TADA2A: variants seen among roughly 807,000 people sequenced by gnomAD.
The protein encoded by TADA2A is transcriptional adaptor 2A.
Under a neutral mutation model 67.4 loss-of-function variants are expected in TADA2A, and 38 were observed. The observed-to-expected ratio is 0.56, with a 90% CI of 0.44 to 0.74. The LOEUF is 0.74. Among genes scored for constraint, TADA2A ranks in the 30% least tolerant of loss-of-function variants. The pLI is 0.00. For synonymous variants in TADA2A, 192 were observed against 181.6 expected, an observed-to-expected ratio of 1.06 and a Z score of -0.46; for missense variants, 454 against 547.0, an observed-to-expected ratio of 0.83 and a Z score of 1.70.
chr17:37,461,885 C>T, intron 9 of TADA2A, 193 bp from the exon 10 acceptor site: 1 of 507,020 alleles, frequency 2.0e-6, no homozygotes, highest in Non-Finnish European at 3.6e-6. Flanking sequence ...AGAGGAAAAA[C>T]CCGTGATGCC....
Position 37,477,921 on chromosome 17 carries a change from AC to A in TADA2A, c.*941del, listed in dbSNP as rs2053922085. On this transcript the variant is annotated 3_prime_UTR_variant, in exon 16 of 16. Coordinates refer to ENST00000615182, the MANE Select transcript of TADA2A (RefSeq NM_001166105.3). ...CGGATCACGAAGTCAGGAGTTCAAG[AC>A]CAGCCTGACCAACATGGTGAAACAG... is the stretch of plus-strand genomic sequence containing the variant. 1 of 151,842 alleles carries A rather than the reference AC, an allele frequency of 6.6e-6. No homozygotes were observed. The highest frequency in any genetic ancestry group is 2.1e-4 in the South Asian group (1 of 4,806). 9.4% of individuals were successfully genotyped at this position (151,842 alleles called of 1,614,324 possible).
At chr17:37,407,008 C>T (rs927241220) in intron 1 of TADA2A, 59 bp downstream of exon 1, 4 of 147,260 alleles carry the variant, frequency 2.7e-5, no homozygotes, top group Admixed American at 6.8e-5. Context: ...GCGAGCCCCT[C>T]TAGCGGGACT....
intron 13 of TADA2A, 120 bp downstream of exon 13, chr17:37,470,652 A>C (rs2053767095): frequency 8.7e-7 from 1 of 1,155,794 alleles, no homozygotes; most frequent in Admixed American, 3.0e-5. Flanking sequence ...AGAATTCAGA[A>C]ATATTTTAGC....
chr17:37,409,674 G>A (rs1260506730), intron 1 of TADA2A, among the ~76,000 whole-genome samples: 1 of 151,636 alleles, frequency 6.6e-6, no homozygotes, highest in Non-Finnish European at 1.5e-5. Context: ...GGCTGAGGCA[G>A]GAGACTCGCT....
Position 37,444,688 on chromosome 17 carries a change from C to G in TADA2A, c.532-8C>G. ...TTGGGGTGGGGATTTTTTTGTTCCC[C>G]TAAACAGGAATTTGACAATTATGCA... On this transcript the variant is annotated splice_polypyrimidine_tract_variant and splice_region_variant and intron_variant, in intron 7 of 15. Coordinates refer to ENST00000615182, the MANE Select transcript of TADA2A (RefSeq NM_001166105.3). 6.2e-7 allele frequency: 1 copy of G among 1,613,416 alleles called. No homozygotes were observed. The highest frequency in any genetic ancestry group is 8.5e-7 in the Non-Finnish European group (1 of 1,179,714).
chr17:37,441,248 C>A (rs1173572408), intron 6 of TADA2A, among the ~76,000 whole-genome samples: 1 of 152,162 alleles, frequency 6.6e-6, no homozygotes, highest in Non-Finnish European at 1.5e-5. Flanking sequence ...TAACTTAGTG[C>A]TTTCCTTTGT....
At chr17:37,463,635 C>T (rs1217796376) in intron 10 of TADA2A, among the ~76,000 whole-genome samples, 1 of 151,688 alleles carries the variant, frequency 6.6e-6, no homozygotes, top group East Asian at 2.0e-4. Context: ...AAGTATGTTA[C>T]ATTTTAGGTC....
At chr17:37,428,168 A>G (rs1425319143) in intron 4 of TADA2A, among the ~76,000 whole-genome samples, 2 of 152,160 alleles carry the variant, frequency 1.3e-5, no homozygotes, top group Non-Finnish European at 2.9e-5. Context: ...TGCTGCAACA[A>G]ATTACCAAAA....
chr17:37,438,029 G>A (rs569232045), intron 5 of TADA2A, 200 bp downstream of exon 5: 8 of 541,940 alleles, frequency 1.5e-5, no homozygotes, highest in East Asian at 9.2e-5. Flanking sequence ...GATGTTTAGC[G>A]GTCCATGACT....
chr17:37,434,072 T>C (rs1218328538), intron 4 of TADA2A, among the ~76,000 whole-genome samples: 1 of 152,250 alleles, frequency 6.6e-6, no homozygotes, highest in African/African-American at 2.4e-5. Flanking sequence ...CAGGATCCAA[T>C]TGGGGATCCC....
intron 6 of TADA2A, 151 bp downstream of exon 6, chr17:37,440,813 G>C (rs907833561): frequency 2.9e-6 from 3 of 1,035,168 alleles, no homozygotes; most frequent in African/African-American, 1.6e-5. Context: ...AGTCAGGATC[G>C]ACCCAGCATG....
chr17:37,415,664 G>A (rs989495840), intron 2 of TADA2A, among the ~76,000 whole-genome samples: 2 of 149,120 alleles, frequency 1.3e-5, no homozygotes, highest in African/African-American at 2.6e-5. Context: ...TGGATCATGA[G>A]GTCAGGTGTT....
At chr17:37,410,340 C>CT (rs35659950) in intron 1 of TADA2A, among the ~76,000 whole-genome samples, 74 of 142,382 alleles carry the variant, frequency 5.2e-4, no homozygotes, top group Admixed American at 7.8e-4. Context: ...ACCCGGCTAA[C>CT]TTTTTTTTTT....
chr17:37,450,822 A>G (rs1326429285), intron 8 of TADA2A, among the ~76,000 whole-genome samples: 1 of 152,148 alleles, frequency 6.6e-6, no homozygotes, highest in East Asian at 1.9e-4. Context: ...GGTTATTCAT[A>G]CAGTTAAGAT....
chr17:37,451,176 C>T (rs1421172406), intron 8 of TADA2A, among the ~76,000 whole-genome samples: 3 of 152,102 alleles, frequency 2.0e-5, no homozygotes, highest in African/African-American at 4.8e-5. Flanking sequence ...AACAGGCACA[C>T]GCCACCACAC....
intron 8 of TADA2A, among the ~76,000 whole-genome samples, chr17:37,449,337 T>C (rs1408280801): frequency 2.0e-5 from 3 of 152,200 alleles, no homozygotes; most frequent in Admixed American, 2.0e-4. Context: ...CACTGTTTTA[T>C]ACATAGGATA....
At chr17:37,408,229 G>C (rs1217195894) in intron 1 of TADA2A, 1 of 152,602 alleles carries the variant, frequency 6.6e-6, no homozygotes, top group African/African-American at 2.4e-5. Flanking sequence ...CCTATTGACT[G>C]TGCATCCTTT....
intron 2 of TADA2A, among the ~76,000 whole-genome samples, chr17:37,417,513 A>G (rs931317311): frequency 6.6e-6 from 1 of 152,114 alleles, no homozygotes. Flanking sequence ...TAAAATACAT[A>G]AGACAATATG....
intron 2 of TADA2A, among the ~76,000 whole-genome samples, chr17:37,415,276 T>TC (rs758932268): frequency 2.0e-5 from 3 of 152,212 alleles, no homozygotes; most frequent in Admixed American, 6.6e-5. Flanking sequence ...TGTACTTTTT[T>TC]CCCCTCACTT....
Sources: allele counts gnomAD v4.1 joint callset (sites outside exome capture counted in the v4.1 genomes callset), GRCh38; gene constraint gnomAD v4.1.1; transcripts MANE v1.5; gene names NCBI Gene and HGNC (gene_info 2026-07-23, HGNC 2026-07-21).